The following ZNF704 variants were observed in gnomAD, a reference collection of about 807,000 sequenced individuals.
ZNF704 encodes glucocorticoid induced gene 1.
ZNF704 carries 10 observed loss-of-function variants against 44.7 expected under a neutral mutation model. That is an observed-to-expected ratio of 0.22 (90% CI 0.14 to 0.38). ZNF704 has a LOEUF of 0.38. Ranked by LOEUF, ZNF704 falls within the 10% of genes least tolerant of loss-of-function variation. The pLI is 1.00. For synonymous variants in ZNF704, 211 were observed against 207.6 expected, an observed-to-expected ratio of 1.02 and a Z score of -0.14; for missense variants, 390 against 545.5, an observed-to-expected ratio of 0.71 and a Z score of 2.84.
chr8:80,758,825 G>A (rs1807081188), intron 2 of ZNF704, among the ~76,000 whole-genome samples: 1 of 152,026 alleles, frequency 6.6e-6, no homozygotes, highest in African/African-American at 2.4e-5. Flanking sequence ...TTTTCTTTAT[G>A]AATTACACAG....
chr8:80,759,231 T>C (rs917419518), intron 2 of ZNF704, among the ~76,000 whole-genome samples: 1 of 151,900 alleles, frequency 6.6e-6, no homozygotes, highest in Non-Finnish European at 1.5e-5. Flanking sequence ...TGTAGACTTT[T>C]GATGGACCCT....
rs1376411313 is a variant in ZNF704 at position 80,796,888 on chromosome 8, TGGAAAG to T, written c.221+24480_221+24485del. Reference sequence around the variant, plus strand: ...TGAAAGAGAGAAAGAGAGAGGGAAATGGAAAGGGAAAGAGAAAGGGAAAGGGAAAGA... The same window carrying T: ...TGAAAGAGAGAAAGAGAGAGGGAAATGGAAAGAGAAAGGGAAAGGGAAAGA... On this transcript the variant is annotated intron_variant, in intron 2 of 8. Transcript: ENST00000327835. Among the ~76,000 whole-genome samples, 5 of 114,794 alleles carry T rather than the reference TGGAAAG, an allele frequency of 4.4e-5. No individual in the cohort carries two copies. The Admixed American group carries it at 5.2e-4, about 12-fold the overall frequency. 75.3% of individuals were successfully genotyped at this position (114,794 alleles called of 152,430 possible).
intron 3 of ZNF704, among the ~76,000 whole-genome samples, chr8:80,689,551 G>C (rs1247510830): frequency 1.3e-5 from 2 of 152,126 alleles, no homozygotes; most frequent in African/African-American, 4.8e-5. Flanking sequence ...ATAATATAAG[G>C]CTTGATGATT....
chr8:80,779,549 C>A (rs937273659), intron 2 of ZNF704, among the ~76,000 whole-genome samples: 1 of 152,098 alleles, frequency 6.6e-6, no homozygotes, highest in African/African-American at 2.4e-5. Flanking sequence ...ATAAAAACGA[C>A]ACTAAACCTT....
At chr8:80,755,668 T>C (rs1240392181) in intron 2 of ZNF704, among the ~76,000 whole-genome samples, 2 of 152,300 alleles carry the variant, frequency 1.3e-5, no homozygotes, top group East Asian at 3.9e-4. Context: ...CCTGGTGATT[T>C]CAGCGTGCAG....
At chr8:80,745,359 G>A (rs1467345702) in intron 2 of ZNF704, among the ~76,000 whole-genome samples, 1 of 152,120 alleles carries the variant, frequency 6.6e-6, no homozygotes, top group Non-Finnish European at 1.5e-5. Context: ...AAATTTCACG[G>A]AATTCCCAAG....
rs187985019 is a variant in ZNF704, at chr8:80,709,693, C to T, written c.222-16586G>A. Among the ~76,000 whole-genome samples the T allele has an allele frequency of 3.3e-5, 5 of 152,054 alleles. No individual in the cohort carries two copies. In the South Asian group the frequency reaches 6.3e-4, roughly 19 times the overall value. On this transcript the variant is annotated intron_variant, in intron 2 of 8. Coordinates refer to ENST00000327835, the MANE Select transcript of ZNF704 (RefSeq NM_001033723.3). ...GAGTAGTTCTAAGAAAGTGTCAGCCCGAGGCAATGGGGCATCCTGAGAAAA... is the reference window on the plus strand; with the variant it reads ...GAGTAGTTCTAAGAAAGTGTCAGCCTGAGGCAATGGGGCATCCTGAGAAAA...
intron 1 of ZNF704, among the ~76,000 whole-genome samples, chr8:80,871,592 A>C (rs1354084771): frequency 6.6e-6 from 1 of 152,230 alleles, no homozygotes; most frequent in African/African-American, 2.4e-5. Context: ...GATTGTTGCT[A>C]TGATGCCTCT....
intron 7 of ZNF704, among the ~76,000 whole-genome samples, chr8:80,658,068 A>AT (rs750348298): frequency 2.2e-4 from 33 of 152,188 alleles, no homozygotes; most frequent in Non-Finnish European, 2.1e-4. Context: ...CCTCAGAGTG[A>AT]TTTCCCTATA....
chr8:80,880,411 C>T, the ZNF704 span, among the ~76,000 whole-genome samples: 1 of 152,170 alleles, frequency 6.6e-6, no homozygotes, highest in African/African-American at 2.4e-5. Context: ...ATAATCAATA[C>T]TATCACAAAT....
chr8:80,755,612 T>C (rs1807021585), intron 2 of ZNF704, among the ~76,000 whole-genome samples: 1 of 152,220 alleles, frequency 6.6e-6, no homozygotes. Context: ...TTCCAAGTAC[T>C]GAGTTCTAGG....
chr8:80,712,915 G>C (rs773022641), intron 2 of ZNF704, among the ~76,000 whole-genome samples: 2 of 151,762 alleles, frequency 1.3e-5, no homozygotes, highest in Non-Finnish European at 2.9e-5. Context: ...GGTTTTTTGA[G>C]ACAGAATTTT....
intron 4 of ZNF704, among the ~76,000 whole-genome samples, chr8:80,682,176 G>T (rs773406199): frequency 6.6e-5 from 10 of 152,102 alleles, no homozygotes; most frequent in Non-Finnish European, 1.3e-4. Flanking sequence ...TATTCGTGAG[G>T]GTTTTACGGG....
chr8:80,862,764 CAAAAAAAAAAAAA>C (rs71266094), intron 1 of ZNF704, among the ~76,000 whole-genome samples: 3 of 13,098 alleles, frequency 2.3e-4, no homozygotes, highest in African/African-American at 7.7e-4. Flanking sequence ...GACTCCGTCT[CAAAAAAAAAAAAA>C]AAAAAAAAAA....
At chr8:80,802,316 T>C (rs1386442690) in intron 2 of ZNF704, among the ~76,000 whole-genome samples, 2 of 151,606 alleles carry the variant, frequency 1.3e-5, no homozygotes, top group African/African-American at 2.4e-5. Flanking sequence ...AAGGAGGGAC[T>C]CCTCCCTAAC....
At chr8:80,703,393 T>C (rs1472955981) in intron 2 of ZNF704, among the ~76,000 whole-genome samples, 4 of 152,124 alleles carry the variant, frequency 2.6e-5, no homozygotes, top group Non-Finnish European at 5.9e-5. Context: ...CTGTGCTTCC[T>C]CCTCCTCCCC....
intron 1 of ZNF704, among the ~76,000 whole-genome samples, chr8:80,848,839 A>AC (rs1808811151): frequency 6.6e-6 from 1 of 152,076 alleles, no homozygotes; most frequent in Admixed American, 6.6e-5. Context: ...TATTCAAATT[A>AC]CCCCCTTTTA....
intron 2 of ZNF704, among the ~76,000 whole-genome samples, chr8:80,768,438 C>G (rs75740043): frequency 0.024 from 3,708 of 152,180 alleles, 72 homozygotes; most frequent in Middle Eastern, 0.078. Context: ...TTTCTCAGTG[C>G]TCCACATGAA....
rs80264928 is a variant in ZNF704 at position 80,750,261 on chromosome 8, G to A, written c.222-57154C>T. ...CAGCTATGATTTCTCACTCTGACTCGGAGGGGTGGGATCTCCTCAAACTGT... is the reference window on the plus strand; with the variant it reads ...CAGCTATGATTTCTCACTCTGACTCAGAGGGGTGGGATCTCCTCAAACTGT... On this transcript the variant is annotated intron_variant, in intron 2 of 8. Transcript: ENST00000327835. 2.4e-3 allele frequency among the ~76,000 whole-genome samples: 368 copies of A among 151,884 alleles called. 1 individual carries two copies. The highest frequency in any genetic ancestry group is 8.5e-3 in the African/African-American group (350 of 41,414).
Sources: allele counts gnomAD v4.1 joint callset (sites outside exome capture counted in the v4.1 genomes callset), GRCh38; gene constraint gnomAD v4.1.1; transcripts MANE v1.5; gene names NCBI Gene and HGNC (gene_info 2026-07-23, HGNC 2026-07-21).